Variants in CORO2B observed in about 807,000 individuals in gnomAD.
CORO2B encodes the protein coronin-2B.
In CORO2B, 26 loss-of-function variants were observed where a neutral mutation model predicts 58.8. That is an observed-to-expected ratio of 0.44 (90% CI 0.32 to 0.61). CORO2B has a LOEUF of 0.61. CORO2B is among the 20% of genes least tolerant of loss of function. The probability of loss-of-function intolerance (pLI) is 0.04; values close to 1 mark genes in which losing one functional copy is unlikely to be tolerated. For synonymous variants in CORO2B, 242 were observed against 253.8 expected, an observed-to-expected ratio of 0.95 and a Z score of 0.44; for missense variants, 460 against 645.1, an observed-to-expected ratio of 0.71 and a Z score of 3.11.
chr15:68,608,321 AG>A lies in CORO2B; in HGVS notation c.15+29045del, dbSNP rs1900171309. ...CCCAGACCCGAACATTGGTGGTTAC[AG>A]TTTCCAGGCCTCCTGGGAGAAAAGC... On this transcript the variant is annotated intron_variant, in intron 1 of 11. Coordinates refer to ENST00000261861, the MANE Select transcript of CORO2B (RefSeq NM_006091.5). Among the ~76,000 whole-genome samples the A allele has an allele frequency of 2.0e-5, 3 of 152,198 alleles. No individual in the cohort carries two copies. In the South Asian group the frequency reaches 6.2e-4, roughly 31 times the overall value.
chr15:68,621,809 G>A (rs796750261), intron 1 of CORO2B, among the ~76,000 whole-genome samples: 8 of 151,260 alleles, frequency 5.3e-5, no homozygotes, highest in African/African-American at 1.7e-4. Context: ...TAGGCTGGAG[G>A]ACAGTGGTGC....
chr15:68,651,562 CGTTA>C (rs1313278384), intron 2 of CORO2B, among the ~76,000 whole-genome samples: 1 of 152,134 alleles, frequency 6.6e-6, no homozygotes, highest in African/African-American at 2.4e-5. Context: ...TCACTTGGAG[CGTTA>C]GTTATAAGCT....
rs375514270 is a variant in CORO2B, at chr15:68,725,989, T to C, written c.*15T>C. Reference sequence around the variant, plus strand: ...AGAACTGTTAGCTCCCCAGCTGGGCTGTTTTCTAAGCCGATCTCTCCGTCG... The same window carrying C: ...AGAACTGTTAGCTCCCCAGCTGGGCCGTTTTCTAAGCCGATCTCTCCGTCG... On this transcript the variant is annotated 3_prime_UTR_variant, in exon 12 of 12. Transcript: ENST00000261861. 43 of 1,612,290 alleles carry C rather than the reference T, an allele frequency of 2.7e-5. No individual in the cohort carries two copies. The highest frequency in any genetic ancestry group is 3.5e-5 in the Non-Finnish European group (41 of 1,179,964).
rs528462850 is a variant in CORO2B at position 68,673,500 on chromosome 15, C to T, written c.217-21640C>T. ...GCCACTGTACTCTGGCCTGGGCACA[C>T]AGAGTGAGACACTGTCTCAATAAAA... On this transcript the variant is annotated intron_variant, in intron 2 of 11. Coordinates refer to ENST00000261861, the MANE Select transcript of CORO2B (RefSeq NM_006091.5). Among the ~76,000 whole-genome samples the T allele has an allele frequency of 4.6e-5, 7 of 152,030 alleles. No homozygotes were observed. In the South Asian group the frequency reaches 1.2e-3, roughly 27 times the overall value.
At chr15:68,636,518 G>T (rs1901037240) in intron 1 of CORO2B, among the ~76,000 whole-genome samples, 1 of 152,172 alleles carries the variant, frequency 6.6e-6, no homozygotes, top group African/African-American at 2.4e-5. Context: ...TCCACTCCCT[G>T]ATAGCATGAG....
At chr15:68,600,701 C>G (rs912531132) in intron 1 of CORO2B, among the ~76,000 whole-genome samples, 2 of 152,164 alleles carry the variant, frequency 1.3e-5, no homozygotes, top group African/African-American at 4.8e-5. Context: ...AGGGAATGCC[C>G]TAAAACCAGG....
chr15:68,587,100 T>C (rs2140562113), intron 1 of CORO2B, among the ~76,000 whole-genome samples: 1 of 142,898 alleles, frequency 7.0e-6, no homozygotes, highest in South Asian at 2.2e-4. Flanking sequence ...ACACACAATT[T>C]TTTTCTAAAG....
chr15:68,575,948 T>C (rs985300973), upstream of CORO2B, among the ~76,000 whole-genome samples: 61 of 149,814 alleles, frequency 4.1e-4, no homozygotes, highest in Non-Finnish European at 7.3e-4. Context: ...AGGTCAGGAG[T>C]TCGAGACCAG....
intron 2 of CORO2B, among the ~76,000 whole-genome samples, chr15:68,691,096 A>G (rs1436805313): frequency 2.4e-3 from 353 of 147,832 alleles, no homozygotes; most frequent in Middle Eastern, 0.018. Context: ...TTGGGAGGCC[A>G]AGGCGGGTGG....
At chr15:68,564,605 C>T in the CORO2B span, among the ~76,000 whole-genome samples, 1 of 152,298 alleles carries the variant, frequency 6.6e-6, no homozygotes, top group South Asian at 2.1e-4. Flanking sequence ...AGCCACAGTT[C>T]CTGGCCCAAA....
the CORO2B span, among the ~76,000 whole-genome samples, chr15:68,540,523 A>G: frequency 6.6e-6 from 1 of 152,350 alleles, no homozygotes; most frequent in Admixed American, 6.5e-5. Flanking sequence ...ACCAGTGTTC[A>G]ATGAAAAATG....
At chr15:68,649,782 TTGCAAATCTC>T (rs1901574768) in intron 2 of CORO2B, among the ~76,000 whole-genome samples, 1 of 152,226 alleles carries the variant, frequency 6.6e-6, no homozygotes. Context: ...TTTTACACTT[TTGCAAATCTC>T]TTTAATATAT....
chr15:68,662,973 AT>A (rs1902062616), intron 2 of CORO2B, among the ~76,000 whole-genome samples: 1 of 151,956 alleles, frequency 6.6e-6, no homozygotes, highest in Non-Finnish European at 1.5e-5. Flanking sequence ...TTTTTCTTAA[AT>A]TTTTTAAAAT....
chr15:68,551,694 G>T, the CORO2B span, among the ~76,000 whole-genome samples: 2 of 152,300 alleles, frequency 1.3e-5, no homozygotes, highest in Admixed American at 6.5e-5. Flanking sequence ...ACAAAGGCCT[G>T]GCGCCTTCTA....
intron 2 of CORO2B, among the ~76,000 whole-genome samples, chr15:68,653,672 A>G (rs1288529480): frequency 2.0e-5 from 3 of 152,172 alleles, no homozygotes; most frequent in Admixed American, 1.3e-4. Flanking sequence ...TCCATAGCTC[A>G]CAGCATGTCT....
intron 1 of CORO2B, among the ~76,000 whole-genome samples, chr15:68,624,586 G>A (rs757820795): frequency 6.6e-6 from 1 of 151,952 alleles, no homozygotes; most frequent in Non-Finnish European, 1.5e-5. Flanking sequence ...TCACCTTGGG[G>A]GCTTTTTAAA....
intron 2 of CORO2B, among the ~76,000 whole-genome samples, chr15:68,656,177 GC>G (rs10543660): frequency 7.7e-5 from 6 of 77,966 alleles, no homozygotes; most frequent in African/African-American, 1.3e-4. Flanking sequence ...CGTCCCCCCC[GC>G]CCCCCGACCC....
At chr15:68,566,571 T>G in the CORO2B span, among the ~76,000 whole-genome samples, 1 of 152,152 alleles carries the variant, frequency 6.6e-6, no homozygotes, top group Admixed American at 6.5e-5. Context: ...CTCTTCATGG[T>G]CCCAGATGCT....
intron 1 of CORO2B, among the ~76,000 whole-genome samples, chr15:68,614,217 A>T (rs1298415463): frequency 6.6e-6 from 1 of 152,256 alleles, no homozygotes; most frequent in Non-Finnish European, 1.5e-5. Context: ...GAAACAAATC[A>T]TCCAGATCTT....
Sources: allele counts gnomAD v4.1 joint callset (sites outside exome capture counted in the v4.1 genomes callset), GRCh38; gene constraint gnomAD v4.1.1; transcripts MANE v1.5; gene names NCBI Gene and HGNC (gene_info 2026-07-23, HGNC 2026-07-21).